The following ZMIZ1 variants were observed in gnomAD, a reference collection of about 807,000 sequenced individuals.
The protein encoded by ZMIZ1 is zinc finger MIZ domain-containing protein 1.
ZMIZ1 carries 17 observed loss-of-function variants against 113.9 expected under a neutral mutation model. That is an observed-to-expected ratio of 0.15 (90% CI 0.10 to 0.22). The LOEUF (loss-of-function observed/expected upper bound fraction) is 0.22, where lower values mean the gene tolerates loss of function less well. ZMIZ1 is among the 10% of genes least tolerant of loss of function. The pLI is 1.00. For missense variants in ZMIZ1, 1,059 were observed against 1,477.8 expected, an observed-to-expected ratio of 0.72 and a Z score of 4.65; for synonymous variants, 607 against 603.1, an observed-to-expected ratio of 1.01 and a Z score of -0.09.
intron 7 of ZMIZ1, among the ~76,000 whole-genome samples, chr10:79,236,855 C>T (rs1849610548): frequency 6.6e-6 from 1 of 152,246 alleles, no homozygotes; most frequent in African/African-American, 2.4e-5. Flanking sequence ...TAGATACTGT[C>T]AATATAACAC....
At chr10:79,213,097 A>T (rs1380365983) in intron 6 of ZMIZ1, among the ~76,000 whole-genome samples, 1 of 152,244 alleles carries the variant, frequency 6.6e-6, no homozygotes, top group South Asian at 2.1e-4. Context: ...GACAGCCAAC[A>T]GAGGGTCACA....
intron 7 of ZMIZ1, among the ~76,000 whole-genome samples, chr10:79,241,860 C>T (rs1403801617): frequency 1.3e-5 from 2 of 152,142 alleles, no homozygotes; most frequent in Non-Finnish European, 2.9e-5. Context: ...TGAACCTGGT[C>T]AGCTCCCGGT....
intron 1 of ZMIZ1, among the ~76,000 whole-genome samples, chr10:79,113,891 T>A (rs1843867799): frequency 6.6e-6 from 1 of 152,220 alleles, no homozygotes; most frequent in Non-Finnish European, 1.5e-5. Flanking sequence ...TTGTGGGTCC[T>A]ACAGGCCTGA....
intron 4 of ZMIZ1, among the ~76,000 whole-genome samples, chr10:79,198,711 T>C (rs1847942665): frequency 6.6e-6 from 1 of 152,226 alleles, no homozygotes; most frequent in South Asian, 2.1e-4. Context: ...TGTGCCGATG[T>C]GAACGGTTAT....
At chr10:79,141,883 A>C (rs1845288011) in intron 3 of ZMIZ1, among the ~76,000 whole-genome samples, 1 of 152,190 alleles carries the variant, frequency 6.6e-6, no homozygotes, top group Non-Finnish European at 1.5e-5. Context: ...TAGGCGGACA[A>C]GTGTGGAGCA....
chr10:79,272,758 T>G (rs1053584988), intron 7 of ZMIZ1, among the ~76,000 whole-genome samples: 1 of 152,154 alleles, frequency 6.6e-6, no homozygotes, highest in African/African-American at 2.4e-5. Context: ...GGGAGCTCAG[T>G]GGGTTCACTT....
Position 79,314,155 on chromosome 10 carries a change from G to T in ZMIZ1, c.*1406G>T, listed in dbSNP as rs770078419. On this transcript the variant is annotated 3_prime_UTR_variant, in exon 25 of 25. Transcript: ENST00000334512. Reference sequence around the variant, plus strand: ...CCTCTGGCCTTCCCTCCACCGCTTTGCTCCATCTGGCTTACCACTCTCCAG... The same window carrying T: ...CCTCTGGCCTTCCCTCCACCGCTTTTCTCCATCTGGCTTACCACTCTCCAG... 6.6e-6 allele frequency: 3 copies of T among 456,916 alleles called. No individual in the cohort carries two copies. In the Admixed American group the frequency reaches 7.0e-5, roughly 11 times the overall value. The allele number at this position is 456,916 out of a possible 1,614,324, so 28.3% of individuals were successfully genotyped here. A position where few individuals can be genotyped will look rare whatever the true frequency, so the allele number is the denominator to read the frequency against.
chr10:79,253,093 G>A (rs1164293555), intron 7 of ZMIZ1, among the ~76,000 whole-genome samples: 3 of 152,188 alleles, frequency 2.0e-5, no homozygotes, highest in Non-Finnish European at 4.4e-5. Flanking sequence ...GGAAGGCAGT[G>A]GGTGTGCGGG....
chr10:79,299,717 C>T (rs1222653664), intron 16 of ZMIZ1, among the ~76,000 whole-genome samples: 1 of 152,254 alleles, frequency 6.6e-6, no homozygotes, highest in African/African-American at 2.4e-5. Context: ...CAGCACCTTC[C>T]ACGTGTGACC....
At chr10:79,180,079 A>G (rs1181174908) in intron 4 of ZMIZ1, among the ~76,000 whole-genome samples, 1 of 152,176 alleles carries the variant, frequency 6.6e-6, no homozygotes, top group African/African-American at 2.4e-5. Context: ...CCACAGCACC[A>G]TGAAGATGAA....
chr10:79,266,610 G>T (rs944526525), intron 7 of ZMIZ1, among the ~76,000 whole-genome samples: 3 of 152,126 alleles, frequency 2.0e-5, no homozygotes, highest in South Asian at 2.1e-4. Flanking sequence ...CTGCACTGAT[G>T]GTGCGGTGGT....
intron 3 of ZMIZ1, among the ~76,000 whole-genome samples, chr10:79,155,521 G>T (rs73300108): frequency 7.9e-5 from 12 of 152,216 alleles, no homozygotes; most frequent in African/African-American, 2.9e-4. Context: ...GACTAGGTTG[G>T]CAGGGGCCGG....
chr10:79,238,438 C>T (rs573052689), intron 7 of ZMIZ1, among the ~76,000 whole-genome samples: 2 of 152,168 alleles, frequency 1.3e-5, no homozygotes, highest in African/African-American at 2.4e-5. Context: ...CACTGTGCAT[C>T]GTGTCCCTGT....
chr10:79,081,318 C>T (rs1327724665), intron 1 of ZMIZ1, among the ~76,000 whole-genome samples: 1 of 152,160 alleles, frequency 6.6e-6, no homozygotes, highest in African/African-American at 2.4e-5. Context: ...CTTATATCCC[C>T]TGGGCCTTAT....
At chr10:79,175,898 G>A (rs1422943540) in intron 4 of ZMIZ1, among the ~76,000 whole-genome samples, 4 of 152,072 alleles carry the variant, frequency 2.6e-5, no homozygotes, top group African/African-American at 4.8e-5. Context: ...CTGGAGAGTG[G>A]CTCCTGTTTG....
intron 3 of ZMIZ1, among the ~76,000 whole-genome samples, chr10:79,157,401 G>A (rs1213748818): frequency 1.4e-4 from 20 of 144,436 alleles, no homozygotes; most frequent in Admixed American, 1.4e-3. Context: ...GTGTGTGTGT[G>A]TGGTCAGTTG....
At chr10:79,094,237 T>C (rs947871788) in intron 1 of ZMIZ1, among the ~76,000 whole-genome samples, 1 of 149,236 alleles carries the variant, frequency 6.7e-6, no homozygotes, top group Non-Finnish European at 1.5e-5. Context: ...CCGGGCCTGT[T>C]TACCGAGGCT....
intron 3 of ZMIZ1, among the ~76,000 whole-genome samples, chr10:79,157,675 G>A (rs192554314): frequency 9.2e-5 from 14 of 152,186 alleles, no homozygotes; most frequent in Non-Finnish European, 5.9e-5. Context: ...GCTCTTCCCT[G>A]TGTCTGGATC....
At chr10:79,226,262 A>G (rs1039178256) in intron 7 of ZMIZ1, among the ~76,000 whole-genome samples, 2 of 152,238 alleles carry the variant, frequency 1.3e-5, no homozygotes, top group Non-Finnish European at 2.9e-5. Flanking sequence ...CAGAAGTGGG[A>G]CCAGAGCTCT....
Sources: allele counts gnomAD v4.1 joint callset (sites outside exome capture counted in the v4.1 genomes callset), GRCh38; gene constraint gnomAD v4.1.1; transcripts MANE v1.5; gene names NCBI Gene and HGNC (gene_info 2026-07-23, HGNC 2026-07-21).